The following FAM117B variants were observed in gnomAD, a reference collection of about 807,000 sequenced individuals.
FAM117B encodes family with sequence similarity 117 member B, also known as protein FAM117B.
In FAM117B, 22 loss-of-function variants were observed where a neutral mutation model predicts 52.8. The observed-to-expected ratio is 0.42, with a 90% CI of 0.30 to 0.59. FAM117B has a LOEUF of 0.59. Ranked by LOEUF, FAM117B falls within the 20% of genes least tolerant of loss-of-function variation. The pLI, the probability that FAM117B is intolerant of heterozygous loss-of-function variation, is 0.22. For synonymous variants in FAM117B, 309 were observed against 324.1 expected (o/e 0.95, Z 0.50); for missense variants, 678 against 802.6 (o/e 0.84, Z 1.88).
At chr2:202,655,887 T>C (rs1013422094) in intron 1 of FAM117B, among the ~76,000 whole-genome samples, 2 of 152,178 alleles carry the variant, frequency 1.3e-5, no homozygotes, top group Non-Finnish European at 2.9e-5. Flanking sequence ...TCACTACCTT[T>C]GGAATGTTTT....
intron 4 of FAM117B, among the ~76,000 whole-genome samples, chr2:202,747,724 T>TA (rs1309060547): frequency 6.6e-6 from 1 of 151,130 alleles, no homozygotes; most frequent in Non-Finnish European, 1.5e-5. Flanking sequence ...AGAACAACAA[T>TA]AAAAAACCCT....
chr2:202,645,408 G>C (rs1689845570), intron 1 of FAM117B, among the ~76,000 whole-genome samples: 2 of 150,066 alleles, frequency 1.3e-5, no homozygotes, highest in South Asian at 2.1e-4. Flanking sequence ...TCCTGCCTCA[G>C]CCTCCCGAGT....
chr2:202,653,774 G>A lies in FAM117B; in HGVS notation c.601+17986G>A, dbSNP rs188437264. ...TATATCCTCTTGGCAATTAAAGTGC[G>A]GCAAACACCAAAAAAGATTTTTTTT... On this transcript the variant is annotated intron_variant, in intron 1 of 7. Transcript: ENST00000392238. Among the ~76,000 whole-genome samples the A allele has an allele frequency of 5.8e-3, 879 of 151,942 alleles. 7 individuals carry two copies. Among genetic ancestry groups the A allele is most frequent in the Middle Eastern group, 0.01 (3 of 294 alleles).
At chr2:202,729,931 A>G (rs1006569749) in intron 4 of FAM117B, among the ~76,000 whole-genome samples, 2 of 152,206 alleles carry the variant, frequency 1.3e-5, no homozygotes, top group Admixed American at 6.5e-5. Context: ...GGGGTCAGAT[A>G]TAGAACGAAT....
intron 1 of FAM117B, among the ~76,000 whole-genome samples, chr2:202,681,927 C>T (rs1318528981): frequency 6.6e-6 from 1 of 152,198 alleles, no homozygotes; most frequent in Non-Finnish European, 1.5e-5. Context: ...CCTGCCCCGC[C>T]CCTCATTCTG....
intron 1 of FAM117B, among the ~76,000 whole-genome samples, chr2:202,675,092 A>C (rs1690356126): frequency 6.6e-6 from 1 of 151,926 alleles, no homozygotes; most frequent in Non-Finnish European, 1.5e-5. Context: ...AAATTAGCCC[A>C]GGCATGGTGG....
intron 2 of FAM117B, among the ~76,000 whole-genome samples, chr2:202,722,352 C>T (rs971887930): frequency 1.3e-5 from 2 of 152,054 alleles, no homozygotes; most frequent in Admixed American, 6.6e-5. Flanking sequence ...TGTTTAACAC[C>T]AACATATGTG....
chr2:202,756,869 T>C (rs1691807906), intron 5 of FAM117B, among the ~76,000 whole-genome samples: 1 of 152,200 alleles, frequency 6.6e-6, no homozygotes, highest in Admixed American at 6.5e-5. Flanking sequence ...TTTCCTCTAA[T>C]GTGGAACCTA....
chr2:202,722,223 G>T (rs1386941722), intron 2 of FAM117B, among the ~76,000 whole-genome samples: 1 of 151,838 alleles, frequency 6.6e-6, no homozygotes, highest in Non-Finnish European at 1.5e-5. Flanking sequence ...TGTTGGCCAG[G>T]CTGGTCTCAA....
intron 1 of FAM117B, among the ~76,000 whole-genome samples, chr2:202,645,769 A>G (rs899194916): frequency 6.8e-5 from 10 of 147,980 alleles, no homozygotes; most frequent in African/African-American, 2.3e-4. Flanking sequence ...ACGCCCAGCT[A>G]AATTTTTTGT....
At chr2:202,762,044 G>A (rs766091617) in intron 7 of FAM117B, among the ~76,000 whole-genome samples, 3 of 152,070 alleles carry the variant, frequency 2.0e-5, no homozygotes, top group Non-Finnish European at 2.9e-5. Flanking sequence ...GTTACTCAAA[G>A]TCTTTTAAAA....
intron 4 of FAM117B, among the ~76,000 whole-genome samples, chr2:202,754,271 A>G (rs1691766782): frequency 6.6e-6 from 1 of 152,178 alleles, no homozygotes; most frequent in Admixed American, 6.5e-5. Context: ...AAACTAACAC[A>G]AGAACAGAAA....
chr2:202,691,422 A>C (rs1690620473), intron 1 of FAM117B, among the ~76,000 whole-genome samples: 3 of 151,026 alleles, frequency 2.0e-5, no homozygotes, highest in African/African-American at 4.8e-5. Context: ...CTTTCCCCCC[A>C]AAAAAGAAAT....
At chr2:202,752,980 CT>C (rs1691749057) in intron 4 of FAM117B, among the ~76,000 whole-genome samples, 1 of 152,188 alleles carries the variant, frequency 6.6e-6, no homozygotes, top group Non-Finnish European at 1.5e-5. Context: ...TCCCATCAAA[CT>C]ACCATTGACA....
chr2:202,670,291 T>C (rs898915044), intron 1 of FAM117B, among the ~76,000 whole-genome samples: 3 of 146,090 alleles, frequency 2.1e-5, no homozygotes, highest in African/African-American at 8.4e-5. Flanking sequence ...TTTCTTTCTT[T>C]TTTTTTTCTT....
intron 4 of FAM117B, among the ~76,000 whole-genome samples, chr2:202,740,704 T>A (rs1274022840): frequency 6.6e-6 from 1 of 152,178 alleles, no homozygotes; most frequent in African/African-American, 2.4e-5. Context: ...TTCTTTTACC[T>A]TGCAGTGAAT....
At chr2:202,654,997 T>A (rs1427573746) in intron 1 of FAM117B, among the ~76,000 whole-genome samples, 1 of 152,058 alleles carries the variant, frequency 6.6e-6, no homozygotes, top group Non-Finnish European at 1.5e-5. Context: ...GAAAAAGAAA[T>A]GTCCCCAGGA....
intron 1 of FAM117B, among the ~76,000 whole-genome samples, chr2:202,691,602 C>T (rs1279505144): frequency 6.7e-6 from 1 of 149,974 alleles, no homozygotes; most frequent in Non-Finnish European, 1.5e-5. Flanking sequence ...AGAAAAGTGC[C>T]AGACAGCTTT....
chr2:202,744,743 G>C (rs1434012133), intron 4 of FAM117B, among the ~76,000 whole-genome samples: 1 of 151,570 alleles, frequency 6.6e-6, no homozygotes, highest in African/African-American at 2.4e-5. Flanking sequence ...GGAGTACAAG[G>C]TGGGCAGATC....
Sources: allele counts gnomAD v4.1 joint callset (sites outside exome capture counted in the v4.1 genomes callset), GRCh38; gene constraint gnomAD v4.1.1; transcripts MANE v1.5; gene names NCBI Gene and HGNC (gene_info 2026-07-23, HGNC 2026-07-21).